The following ALDH2 variants were observed in gnomAD, a reference collection of about 807,000 sequenced individuals.
ALDH2 encodes aldehyde dehydrogenase 2 family member.
ALDH2 carries 44 observed loss-of-function variants against 59.6 expected under a neutral mutation model. The ratio of observed to expected loss-of-function variants is 0.74; its 90% CI spans 0.58 to 0.95. The LOEUF is 0.95. Ranked by LOEUF, ALDH2 falls within the 40% of genes least tolerant of loss-of-function variation. The pLI is 0.00. For synonymous variants in ALDH2, 291 were observed against 284.0 expected (o/e 1.02, Z -0.25); for missense variants, 570 against 696.3 (o/e 0.82, Z 2.04).
chr12:111,778,588 C>A (rs2068249954), intron 1 of ALDH2, among the ~76,000 whole-genome samples: 1 of 151,012 alleles, frequency 6.6e-6, no homozygotes, highest in African/African-American at 2.4e-5. Flanking sequence ...AATCCCAGCA[C>A]TTTGGGAGGC....
At chr12:111,784,046 A>T (rs1396387820) in intron 3 of ALDH2, among the ~76,000 whole-genome samples, 1 of 152,332 alleles carries the variant, frequency 6.6e-6, no homozygotes, top group Admixed American at 6.5e-5. Flanking sequence ...CAGATTATAC[A>T]TGGCACTCTG....
In ALDH2 at chr12:111,815,330, C is replaced by T. The variant is rs1007377994; in HGVS notation, c.*5755C>T. On this transcript the variant is annotated 3_prime_UTR_variant, in exon 13 of 13. Transcript: ENST00000261733. The stretch of plus-strand genomic sequence containing the variant: ...GGCTCAGGTGATTCTTCTGCCTCAG[C>T]CTCCCAAATAGCTGGTACTACAAGC... 54 of 152,230 alleles carry T rather than the reference C, an allele frequency of 3.5e-4. No homozygotes were observed. Among genetic ancestry groups the T allele is most frequent in the African/African-American group, 1.3e-3 (53 of 41,446 alleles). 9.4% of individuals were successfully genotyped at this position (152,230 alleles called of 1,614,324 possible). A position where few individuals can be genotyped will look rare whatever the true frequency, so the allele number is the denominator to read the frequency against.
intron 7 of ALDH2, 37 bp downstream of exon 7, chr12:111,791,456 G>T: frequency 2.0e-6 from 3 of 1,503,152 alleles, no homozygotes; most frequent in Non-Finnish European, 2.8e-6. Flanking sequence ...CAGCCTCCTT[G>T]GCCCAAGCTC....
intron 10 of ALDH2, among the ~76,000 whole-genome samples, chr12:111,798,610 T>C (rs1053520829): frequency 6.6e-6 from 1 of 152,056 alleles, no homozygotes; most frequent in Non-Finnish European, 1.5e-5. Flanking sequence ...TCATGGCTCC[T>C]TATAGCCTTG....
At chr12:111,790,297 T>C in intron 5 of ALDH2, 137 bp from the exon 6 acceptor site, 1 of 1,096,746 alleles carries the variant, frequency 9.1e-7, no homozygotes. Flanking sequence ...AAAACCACGA[T>C]GGATGGAGTT....
chr12:111,785,390 G>A (rs2068302335), intron 4 of ALDH2, 44 bp downstream of exon 4: 8 of 1,549,686 alleles, frequency 5.2e-6, no homozygotes, highest in Non-Finnish European at 7.1e-6. Flanking sequence ...CAGGGGAAAA[G>A]GGGAGGCAAC....
chr12:111,769,190 A>G (rs572696320), intron 1 of ALDH2, among the ~76,000 whole-genome samples: 1 of 152,146 alleles, frequency 6.6e-6, no homozygotes. Flanking sequence ...GCTTTTCTTT[A>G]TCAGACTTTT....
intron 4 of ALDH2, among the ~76,000 whole-genome samples, chr12:111,788,029 A>G (rs1375760832): frequency 6.8e-6 from 1 of 147,114 alleles, no homozygotes. Flanking sequence ...ACAGAGCGAG[A>G]CTCTGTCTCA....
At chr12:111,788,203 T>G (rs1479172305) in intron 4 of ALDH2, among the ~76,000 whole-genome samples, 1 of 151,876 alleles carries the variant, frequency 6.6e-6, no homozygotes, top group African/African-American at 2.4e-5. Context: ...AGAGCGAGAC[T>G]TCGTCTCAAA....
intron 4 of ALDH2, among the ~76,000 whole-genome samples, chr12:111,788,892 C>T (rs1208842734): frequency 6.6e-6 from 1 of 152,074 alleles, no homozygotes; most frequent in Non-Finnish European, 1.5e-5. Flanking sequence ...GTAGTCTCAG[C>T]TACTCAGGAG....
At position 111,813,767 on chromosome 12, in the gene ALDH2, CTA is replaced by C. The variant is rs1332358161; in HGVS notation, c.*4197_*4198del. The C allele has an allele frequency of 6.6e-6, 1 of 152,138 alleles. No individual in the cohort carries two copies. The highest frequency in any genetic ancestry group is 1.5e-5 in the Non-Finnish European group (1 of 68,050). 9.4% of individuals were successfully genotyped at this position (152,138 alleles called of 1,614,324 possible). The stretch of plus-strand genomic sequence containing the variant: ...TAGGAAATATCCAGAACAGGCAAAT[CTA>C]TATAGAGAGAAGGTCGATTGCTGGG... On this transcript the variant is annotated 3_prime_UTR_variant, in exon 13 of 13. Coordinates refer to ENST00000261733, the MANE Select transcript of ALDH2 (RefSeq NM_000690.4).
intron 3 of ALDH2, among the ~76,000 whole-genome samples, chr12:111,783,872 G>C (rs937527107): frequency 6.6e-6 from 1 of 152,132 alleles, no homozygotes; most frequent in Non-Finnish European, 1.5e-5. Context: ...GCTGTGTCAG[G>C]GAGGCCTTCC....
At chr12:111,768,948 C>T (rs1240508828) in intron 1 of ALDH2, among the ~76,000 whole-genome samples, 1 of 152,326 alleles carries the variant, frequency 6.6e-6, no homozygotes, top group East Asian at 1.9e-4. Context: ...TGGGCCACTA[C>T]ACTTAGTCTG....
intron 12 of ALDH2, 29 bp downstream of exon 12, chr12:111,804,002 G>GCCCTGA: frequency 6.5e-7 from 1 of 1,544,644 alleles, no homozygotes; most frequent in Non-Finnish European, 8.8e-7. Flanking sequence ...GGGGGCTCAG[G>GCCCTGA]GCCTGTTGGG....
intron 1 of ALDH2, among the ~76,000 whole-genome samples, chr12:111,780,716 T>G (rs994017125): frequency 6.6e-6 from 1 of 152,202 alleles, no homozygotes; most frequent in African/African-American, 2.4e-5. Context: ...CTTTATTTCC[T>G]GGGCACCATG....
chr12:111,802,795 G>A (rs1194389037), intron 11 of ALDH2, among the ~76,000 whole-genome samples: 1 of 145,318 alleles, frequency 6.9e-6, no homozygotes, highest in Admixed American at 6.9e-5. Flanking sequence ...CAGGAGAATG[G>A]CGTGAACCTG....
At chr12:111,785,401 G>A (rs1353670705) in intron 4 of ALDH2, 55 bp downstream of exon 4, 22 of 1,463,968 alleles carry the variant, frequency 1.5e-5, no homozygotes, top group East Asian at 2.3e-5. Context: ...GGGAGGCAAC[G>A]TTGTTAGGAG....
rs567863645 is a variant in ALDH2, at chr12:111,794,515, AT to A, written c.1083+1741del. The stretch of plus-strand genomic sequence containing the variant: ...TATGTGCCCAACATCCCCCTCTTTG[AT>A]TTTTTTTAGAGACAGGGTCTTGTTC... On this transcript the variant is annotated intron_variant, in intron 9 of 12. Coordinates refer to ENST00000261733, the MANE Select transcript of ALDH2 (RefSeq NM_000690.4). Among the ~76,000 whole-genome samples the A allele has an allele frequency of 4.0e-5, 6 of 150,988 alleles. No homozygotes were observed. In the East Asian group the frequency reaches 1.2e-3, roughly 30 times the overall value.
At chr12:111,793,293 C>T (rs527642321) in intron 9 of ALDH2, among the ~76,000 whole-genome samples, 2 of 152,118 alleles carry the variant, frequency 1.3e-5, no homozygotes, top group African/African-American at 4.8e-5. Flanking sequence ...AATCATACCT[C>T]ACCTCAGCCT....
Sources: allele counts gnomAD v4.1 joint callset (sites outside exome capture counted in the v4.1 genomes callset), GRCh38; gene constraint gnomAD v4.1.1; transcripts MANE v1.5; gene names NCBI Gene and HGNC (gene_info 2026-07-23, HGNC 2026-07-21).